The following EFHD2 variants were observed in gnomAD, a reference collection of about 807,000 sequenced individuals.
EFHD2 encodes the protein EF-hand domain-containing protein D2.
A neutral mutation model predicts 20.3 loss-of-function variants in EFHD2; 12 were observed. The observed-to-expected ratio is 0.59, with a 90% CI of 0.38 to 0.96. The LOEUF is 0.96. Ranked by LOEUF, EFHD2 falls within the 40% of genes least tolerant of loss-of-function variation. EFHD2 has a pLI of 0.00. For synonymous variants in EFHD2, 131 were observed against 143.9 expected (o/e 0.91, Z 0.64); for missense variants, 250 against 334.3 (o/e 0.75, Z 1.97).
chr1:15,412,515 C>A (rs886090629), intron 1 of EFHD2, among the ~76,000 whole-genome samples: 1 of 152,238 alleles, frequency 6.6e-6, no homozygotes, highest in Non-Finnish European at 1.5e-5. Flanking sequence ...CCATCACAGA[C>A]ATCTACTTTC....
At chr1:15,412,977 G>C in intron 1 of EFHD2, among the ~76,000 whole-genome samples, 1 of 152,178 alleles carries the variant, frequency 6.6e-6, no homozygotes, top group East Asian at 1.9e-4. Flanking sequence ...AGCAAGTGCT[G>C]CCTGCCAGGG....
chr1:15,414,565 A>G (rs916200368), intron 1 of EFHD2, among the ~76,000 whole-genome samples: 3 of 152,206 alleles, frequency 2.0e-5, no homozygotes, highest in Non-Finnish European at 4.4e-5. Context: ...AGCTCAGCAT[A>G]CACCCTCTCC....
At position 15,417,599 on chromosome 1, in the gene EFHD2, C is replaced by T. The variant is rs182131178; in HGVS notation, c.308+7320C>T. Among the ~76,000 whole-genome samples, 707 of 152,318 alleles carry T rather than the reference C, an allele frequency of 4.6e-3. 3 individuals carry two copies. The highest frequency in any genetic ancestry group is 7.3e-3 in the Non-Finnish European group (498 of 68,020). ...TCTCTTTCTCCCCCAACCCCATACC[C>T]CACTTAGCTGAACTAGGGCAAGAGA... On this transcript the variant is annotated intron_variant, in intron 1 of 3. Coordinates refer to ENST00000375980, the MANE Select transcript of EFHD2 (RefSeq NM_024329.6).
Position 15,426,127 on chromosome 1 carries a change from A to T in EFHD2, c.456+109A>T, listed in dbSNP as rs546731809. The T allele has an allele frequency of 3.8e-4, 457 of 1,202,160 alleles. 1 individual carries two copies. The highest frequency in any genetic ancestry group is 3.4e-3 in the Middle Eastern group (14 of 4,144). The allele number at this position is 1,202,160 out of a possible 1,614,324, so 74.5% of individuals were successfully genotyped here. The stretch of plus-strand genomic sequence containing the variant: ...TTGTCAATGAATGAATGACATTGCC[A>T]TTGAACAGCAGCTGTGAGCAGCTGC... On this transcript the variant is annotated intron_variant, in intron 2 of 3. Transcript: ENST00000375980. The surrounding 1 kb of genome is among the most constrained non-coding windows in gnomAD (Gnocchi z 4.6).
chr1:15,415,895 A>C (rs1486493487), intron 1 of EFHD2, among the ~76,000 whole-genome samples: 2 of 152,188 alleles, frequency 1.3e-5, no homozygotes, highest in Non-Finnish European at 2.9e-5. Context: ...GATTAGAACC[A>C]GATCCTCCTG....
chr1:15,426,154 G>C lies in EFHD2; in HGVS notation c.456+136G>C, dbSNP rs1707870175. The C allele has an allele frequency of 1.0e-6, 1 of 981,000 alleles. No individual in the cohort carries two copies. The highest frequency in any genetic ancestry group is 1.4e-6 in the Non-Finnish European group (1 of 708,994). 60.8% of individuals were successfully genotyped at this position (981,000 alleles called of 1,614,324 possible). A position where few individuals can be genotyped will look rare whatever the true frequency, so the allele number is the denominator to read the frequency against. ...TGAACAGCAGCTGTGAGCAGCTGCT[G>C]CTTGGCTGAGTGAGGCTTCAGAGGG... is the stretch of plus-strand genomic sequence containing the variant. On this transcript the variant is annotated intron_variant, in intron 2 of 3. Coordinates refer to ENST00000375980, the MANE Select transcript of EFHD2 (RefSeq NM_024329.6). This position sits in a 1 kb window ranked among gnomAD's most constrained non-coding sequence, Gnocchi z 4.6.
chr1:15,418,640 C>G (rs74226862), intron 1 of EFHD2, among the ~76,000 whole-genome samples: 47 of 144,446 alleles, frequency 3.3e-4, no homozygotes, highest in Middle Eastern at 3.5e-3. Flanking sequence ...AAGATAGGCC[C>G]CCCCTTAAGT....
Position 15,427,388 on chromosome 1 carries a change from C to T in EFHD2, c.591+104C>T. 8.7e-6 allele frequency: 13 copies of T among 1,487,908 alleles called. No homozygotes were observed. In the South Asian group the frequency reaches 1.8e-4, roughly 20 times the overall value. The allele number at this position is 1,487,908 out of a possible 1,614,324, so 92.2% of individuals were successfully genotyped here. The stretch of plus-strand genomic sequence containing the variant: ...TTCCCGTCCCTGCTGAGGCTGCAGA[C>T]AGAGATGGGAGCTGACTCCCTGCCA... On this transcript the variant is annotated intron_variant, in intron 3 of 3. Transcript: ENST00000375980.
rs1333614894 is a variant in EFHD2, at chr1:15,410,250, G to T, written c.279G>T (p.Gln93His). 1.9e-6 allele frequency: 3 copies of T among 1,605,390 alleles called. No individual in the cohort carries two copies. Among genetic ancestry groups the T allele is most frequent in the Non-Finnish European group, 2.5e-6 (3 of 1,176,676 alleles). ...AGTTCAAGGAGTTCTCCAGGAAGCA[G>T]ATCAAGGACATGGAGAAGATGTTCA... Reference protein sequence around the residue: ...YTEFKEFSRKQIKDMEKMFKQ... With the variant: ...YTEFKEFSRKHIKDMEKMFKQ... Residue 93 changes from glutamine to histidine, a missense_variant, in exon 1 of 4, where the codon CAG becomes CAT. By Grantham distance (24) the Gln-to-His change is conservative. Around this residue, in one of 3 missense-constraint regions of EFHD2, gnomAD observed 143 missense variants for 190.6 expected, o/e 0.75. Transcript: ENST00000375980.
At chr1:15,410,322 C>T in intron 1 of EFHD2, 43 bp downstream of exon 1, 2 of 1,525,034 alleles carry the variant, frequency 1.3e-6, no homozygotes, top group Non-Finnish European at 1.8e-6. Flanking sequence ...CCCCGCGACC[C>T]GGTCTCGGGC....
At chr1:15,418,323 T>C (rs1363970553) in intron 1 of EFHD2, among the ~76,000 whole-genome samples, 1 of 106,904 alleles carries the variant, frequency 9.4e-6, no homozygotes. Flanking sequence ...TTTTTTTTTT[T>C]GAGATGGAGT....
chr1:15,416,552 T>G (rs1413581374), intron 1 of EFHD2, among the ~76,000 whole-genome samples: 1 of 152,156 alleles, frequency 6.6e-6, no homozygotes, highest in African/African-American at 2.4e-5. Context: ...ATGCTTTGCC[T>G]CCCGTTCAGT....
chr1:15,410,817 C>G (rs1707482311), intron 1 of EFHD2, among the ~76,000 whole-genome samples: 1 of 151,924 alleles, frequency 6.6e-6, no homozygotes, highest in Non-Finnish European at 1.5e-5. Flanking sequence ...CATTCCCTCC[C>G]TTAAGGTCTT....
rs927285468 is a variant in EFHD2 at position 15,426,143 on chromosome 1, G to C, written c.456+125G>C. 2.0e-5 allele frequency: 21 copies of C among 1,044,154 alleles called. No individual in the cohort carries two copies. Among genetic ancestry groups the C allele is most frequent in the Non-Finnish European group, 2.4e-5 (18 of 762,504 alleles). The allele number at this position is 1,044,154 out of a possible 1,614,324, so 64.7% of individuals were successfully genotyped here. A position where few individuals can be genotyped will look rare whatever the true frequency, so the allele number is the denominator to read the frequency against. On this transcript the variant is annotated intron_variant, in intron 2 of 3. Coordinates refer to ENST00000375980, the MANE Select transcript of EFHD2 (RefSeq NM_024329.6). This position sits in a 1 kb window ranked among gnomAD's most constrained non-coding sequence, Gnocchi z 4.6. ...GACATTGCCATTGAACAGCAGCTGTGAGCAGCTGCTGCTTGGCTGAGTGAG... is the reference window on the plus strand; with the variant it reads ...GACATTGCCATTGAACAGCAGCTGTCAGCAGCTGCTGCTTGGCTGAGTGAG...
rs34866686 is a variant in EFHD2, at chr1:15,425,883, G to A, written c.321G>A (p.Gly107=). ...MEKMFKQYDA[G]RDGFIDLMEL... ...TTTGCATCTGCAGGTATGATGCCGG[G>A]CGGGACGGCTTCATCGACCTGATGG... The change falls in exon 2 of 4, where the codon GGG becomes GGA. Residue 107 remains glycine (G), a synonymous_variant. Transcript: ENST00000375980. 10,120 of 1,607,218 alleles carry A rather than the reference G, an allele frequency of 6.3e-3. 470 individuals carry two copies. The African/African-American group carries it at 0.11, about 17-fold the overall frequency.
At chr1:15,415,485 T>C (rs1707647137) in intron 1 of EFHD2, among the ~76,000 whole-genome samples, 1 of 150,248 alleles carries the variant, frequency 6.7e-6, no homozygotes, top group South Asian at 2.1e-4. Flanking sequence ...ACTGTCTTTG[T>C]TTTCCTTTTT....
intron 1 of EFHD2, 92 bp downstream of exon 1, chr1:15,410,371 G>T (rs1707458704): frequency 7.0e-7 from 1 of 1,418,808 alleles, no homozygotes; most frequent in Non-Finnish European, 9.3e-7. Context: ...TCCGCCCCGG[G>T]AGCCTGCCGT....
At chr1:15,421,855 A>G (rs1256629340) in intron 1 of EFHD2, among the ~76,000 whole-genome samples, 1 of 152,176 alleles carries the variant, frequency 6.6e-6, no homozygotes, top group Non-Finnish European at 1.5e-5. Context: ...TGCTGAGCAC[A>G]GGGATTGTAA....
intron 3 of EFHD2, among the ~76,000 whole-genome samples, chr1:15,428,189 ACC>A (rs1707905462): frequency 6.6e-6 from 1 of 152,002 alleles, no homozygotes; most frequent in Non-Finnish European, 1.5e-5. Context: ...GCCAGAAGGG[ACC>A]CCAGGAAAAG....
Sources: gnomAD v4.1 joint callset for allele counts (sites outside exome capture counted in the v4.1 genomes callset) on GRCh38, gnomAD v4.1.1 for gene constraint, gnomAD v4.1.1 regional missense constraint, Gnocchi (gnomAD v3.1) non-coding constraint, MANE v1.5 for transcripts, NCBI Gene and HGNC (gene_info 2026-07-23, HGNC 2026-07-21) for gene names.